The following RNF8 variants were observed in gnomAD, a reference collection of about 807,000 sequenced individuals.
RNF8 encodes the protein E3 ubiquitin-protein ligase RNF8.
Under a neutral mutation model 59.3 loss-of-function variants are expected in RNF8, and 8 were observed. The ratio of observed to expected loss-of-function variants is 0.13; its 90% CI spans 0.08 to 0.24. RNF8 has a LOEUF of 0.24. Among genes scored for constraint, RNF8 ranks in the 10% least tolerant of loss-of-function variants. The pLI, the probability that RNF8 is intolerant of heterozygous loss-of-function variation, is 1.00. For missense variants in RNF8, 406 were observed against 572.6 expected (o/e 0.71, Z 2.97); for synonymous variants, 162 against 200.0 (o/e 0.81, Z 1.60).
rs1769676361 is a variant in RNF8, at chr6:37,368,821, G to A, written c.578G>A (p.Gly193Asp). 5 of 1,614,188 alleles carry A rather than the reference G, an allele frequency of 3.1e-6. No homozygotes were observed. The East Asian group carries it at 1.1e-4, about 36-fold the overall frequency. The change falls in exon 3 of 8, where the codon GGT (glycine) becomes GAT (aspartate). Residue 193 changes from glycine (G) to aspartate (D), a missense_variant. Physicochemically the swap from Gly to Asp is moderately conservative, Grantham distance 94. Coordinates refer to ENST00000373479, the MANE Select transcript of RNF8 (RefSeq NM_003958.4). ...CAGCCAGTGAAATCACAGGGGAAAGGTGAAGTGGCCAGTACACCCTCTGAC... is the reference window on the plus strand; with the variant it reads ...CAGCCAGTGAAATCACAGGGGAAAGATGAAGTGGCCAGTACACCCTCTGAC... ...SGQPVKSQGK[G>D]EVASTPSDNL...
At chr6:37,357,216 C>T (rs1259166862) in intron 1 of RNF8, among the ~76,000 whole-genome samples, 1 of 152,160 alleles carries the variant, frequency 6.6e-6, no homozygotes, top group African/African-American at 2.4e-5. Flanking sequence ...CAGTCAGTTC[C>T]CACGGGAAAT....
rs113656680 is a variant in RNF8 at position 37,354,416 on chromosome 6, G to C, written c.111+141G>C. On this transcript the variant is annotated intron_variant, in intron 1 of 7. Transcript: ENST00000373479. ...AGGAAGAGGAGCGAAGTGTCTGTGG[G>C]GGGGGTGGATTCCTGGGGAGAGAAG... The C allele has an allele frequency of 3.9e-3, 2,705 of 693,954 alleles. 38 individuals carry two copies. Among genetic ancestry groups the C allele is most frequent in the African/African-American group, 0.03 (1,654 of 54,844 alleles). 43.0% of individuals were successfully genotyped at this position (693,954 alleles called of 1,614,324 possible).
intron 7 of RNF8, among the ~76,000 whole-genome samples, chr6:37,384,364 A>G (rs1330517746): frequency 1.3e-5 from 2 of 151,754 alleles, no homozygotes; most frequent in African/African-American, 4.8e-5. Context: ...TGGTCTCCCA[A>G]CTCCTGACCT....
In RNF8 at chr6:37,381,169, C is replaced by G; in HGVS notation, c.1256C>G (p.Ala419Gly). Residue 419 changes from alanine to glycine, a missense_variant, in exon 7 of 8, where the codon GCC becomes GGC. Physicochemically the swap from Ala to Gly is moderately conservative, Grantham distance 60. Transcript: ENST00000373479. Reference sequence around the variant, plus strand: ...CTGTAGGCTGTCACCTTGAACTGTGCCCACAGTTTCTGCTCCTACTGTATC... The same window carrying G: ...CTGTAGGCTGTCACCTTGAACTGTGGCCACAGTTTCTGCTCCTACTGTATC... ...YFIEAVTLNC[A>G]HSFCSYCINE... The G allele has an allele frequency of 1.2e-6, 2 of 1,613,868 alleles. No individual in the cohort carries two copies. The highest frequency in any genetic ancestry group is 1.7e-6 in the Non-Finnish European group (2 of 1,179,764).
At chr6:37,373,948 TA>T (rs779892935) in intron 4 of RNF8, among the ~76,000 whole-genome samples, 7 of 152,220 alleles carry the variant, frequency 4.6e-5, no homozygotes, top group Non-Finnish European at 8.8e-5. Context: ...AGAGAACTCA[TA>T]AATTATGTTT....
At chr6:37,378,600 CAAAAA>C (rs554259061) in intron 6 of RNF8, among the ~76,000 whole-genome samples, 2 of 56,548 alleles carry the variant, frequency 3.5e-5, no homozygotes, top group African/African-American at 1.1e-4. Flanking sequence ...GACTCCGTCT[CAAAAA>C]AAAAAAAAAA....
At chr6:37,372,335 A>G (rs559542614) in intron 4 of RNF8, among the ~76,000 whole-genome samples, 85 of 152,344 alleles carry the variant, frequency 5.6e-4, no homozygotes, top group Non-Finnish European at 1.0e-3. Flanking sequence ...TAACAGTGCT[A>G]ACAGTCATAC....
At chr6:37,390,569 G>A (rs1041811083) in intron 7 of RNF8, among the ~76,000 whole-genome samples, 173 bp from the exon 8 acceptor site, 1 of 152,202 alleles carries the variant, frequency 6.6e-6, no homozygotes, top group Non-Finnish European at 1.5e-5. Context: ...CTCACTGTGA[G>A]AGGAATGAGG....
At chr6:37,380,192 A>G (rs1770195252) in intron 6 of RNF8, among the ~76,000 whole-genome samples, 2 of 152,134 alleles carry the variant, frequency 1.3e-5, no homozygotes, top group Admixed American at 6.5e-5. Context: ...CTGGGATTAC[A>G]GGTGTAAGCA....
At chr6:37,357,167 AC>A (rs1378769692) in intron 1 of RNF8, among the ~76,000 whole-genome samples, 6 of 152,206 alleles carry the variant, frequency 3.9e-5, no homozygotes, top group Non-Finnish European at 7.3e-5. Flanking sequence ...GGCTTGCAAA[AC>A]TATTGTAAAT....
intron 7 of RNF8, among the ~76,000 whole-genome samples, chr6:37,388,442 AG>A (rs2113836053): frequency 6.6e-6 from 1 of 150,406 alleles, no homozygotes; most frequent in East Asian, 2.0e-4. Flanking sequence ...CCTGAAGGAC[AG>A]GCCAAGTTGA....
In RNF8 at chr6:37,361,195, G is replaced by C. The variant is rs566325747; in HGVS notation, c.240+621G>C. On this transcript the variant is annotated intron_variant, in intron 2 of 7. Transcript: ENST00000373479. ...GAAAGTACCTAATGTGCTGGGTGTG[G>C]TGGCACATGCCTGTAGTCCCAACTA... 2.4e-5 allele frequency: 11 copies of C among 454,130 alleles called. No individual in the cohort carries two copies. The East Asian group carries it at 7.6e-4, about 32-fold the overall frequency. 28.1% of individuals were successfully genotyped at this position (454,130 alleles called of 1,614,324 possible). A position where few individuals can be genotyped will look rare whatever the true frequency, so the allele number is the denominator to read the frequency against.
chr6:37,385,452 C>T (rs566593816), intron 7 of RNF8, among the ~76,000 whole-genome samples: 144 of 151,474 alleles, frequency 9.5e-4, no homozygotes, highest in African/African-American at 2.7e-3. Flanking sequence ...CATGGTGAAA[C>T]CCCATCTCTA....
Position 37,371,525 on chromosome 6 carries a change from C to G in RNF8, c.989C>G (p.Ala330Gly). Residue 330 changes from alanine (A) to glycine (G), a missense_variant, in exon 4 of 8, where the codon GCC becomes GGC. Ala to Gly is a moderately conservative substitution (Grantham distance 60). Around this residue, in one of 3 missense-constraint regions of RNF8, gnomAD observed 285 missense variants for 342.0 expected, o/e 0.83. Coordinates refer to ENST00000373479, the MANE Select transcript of RNF8 (RefSeq NM_003958.4). The stretch of plus-strand genomic sequence containing the variant: ...TTGGCTTTGCAGGGTTTGGAGATAG[C>G]CCAAGGAGAAAAGGACCTGAAGCAA... ...EEQHLQGLEI[A>G]QGEKDLKQQL... 1 of 1,613,890 alleles carries G rather than the reference C, an allele frequency of 6.2e-7. No individual in the cohort carries two copies. Among genetic ancestry groups the G allele is most frequent in the Non-Finnish European group, 8.5e-7 (1 of 1,179,946 alleles).
intron 7 of RNF8, among the ~76,000 whole-genome samples, chr6:37,382,400 G>C (rs944014857): frequency 3.3e-5 from 5 of 152,182 alleles, no homozygotes; most frequent in Non-Finnish European, 7.3e-5. Context: ...GAGAAGCAGT[G>C]ACCTGTCCTG....
intron 2 of RNF8, among the ~76,000 whole-genome samples, chr6:37,363,567 C>T (rs1769412993): frequency 1.3e-5 from 2 of 152,174 alleles, no homozygotes; most frequent in Non-Finnish European, 2.9e-5. Flanking sequence ...AATGGAATAC[C>T]TCTACACATT....
At chr6:37,380,639 C>T (rs1770216302) in intron 6 of RNF8, among the ~76,000 whole-genome samples, 1 of 150,638 alleles carries the variant, frequency 6.6e-6, no homozygotes, top group African/African-American at 2.4e-5. Context: ...CCACTGCACT[C>T]CAGCCTGGGG....
chr6:37,384,297 C>T lies in RNF8; in HGVS notation c.1441+2943C>T, dbSNP rs542149015. On this transcript the variant is annotated intron_variant, in intron 7 of 7. Transcript: ENST00000373479. ...CTAGGATTACAGGTGCATGCCACCA[C>T]GCCCAGCTCATGTTTGCATTTTTAG... is the stretch of plus-strand genomic sequence containing the variant. 3.9e-5 allele frequency among the ~76,000 whole-genome samples: 6 copies of T among 152,158 alleles called. No homozygotes were observed. In the South Asian group the frequency reaches 8.3e-4, roughly 21 times the overall value.
chr6:37,354,467 G>A (rs1334226583), intron 1 of RNF8, among the ~76,000 whole-genome samples, 192 bp downstream of exon 1: 1 of 151,894 alleles, frequency 6.6e-6, no homozygotes, highest in African/African-American at 2.4e-5. Flanking sequence ...GGCGCGAGCG[G>A]CTGAAGGGTC....
Sources: allele counts gnomAD v4.1 joint callset (sites outside exome capture counted in the v4.1 genomes callset), GRCh38; gene constraint gnomAD v4.1.1; regional missense constraint gnomAD v4.1.1; transcripts MANE v1.5; gene names NCBI Gene and HGNC (gene_info 2026-07-23, HGNC 2026-07-21).